The following HERC1 variants were observed in gnomAD, a reference collection of about 807,000 sequenced individuals.
HERC1 encodes the protein probable E3 ubiquitin-protein ligase HERC1.
A neutral mutation model predicts 554.3 loss-of-function variants in HERC1; 160 were observed. The observed-to-expected ratio is 0.29, with a 90% CI of 0.25 to 0.33. HERC1 has a LOEUF of 0.33. HERC1 is among the 10% of genes least tolerant of loss of function. The pLI, the probability that HERC1 is intolerant of heterozygous loss-of-function variation, is 1.00. For missense variants in HERC1, 4,919 were observed against 5,918.5 expected (o/e 0.83, Z 5.54); for synonymous variants, 2,175 against 2,131.7 (o/e 1.02, Z -0.56).
chr15:63,707,393 A>C (rs764808553), intron 24 of HERC1, among the ~76,000 whole-genome samples: 3 of 152,220 alleles, frequency 2.0e-5, no homozygotes, highest in Admixed American at 1.3e-4. Context: ...AAACTGGTGA[A>C]CTACAGACAG....
At chr15:63,648,004 A>T in intron 55 of HERC1, 65 bp downstream of exon 55, 2 of 1,285,524 alleles carry the variant, frequency 1.6e-6, no homozygotes, top group South Asian at 1.3e-5. Context: ...CCACTGTGTA[A>T]TCTATGCATG....
At chr15:63,782,395 C>T (rs1382331205) in intron 1 of HERC1, among the ~76,000 whole-genome samples, 1 of 152,174 alleles carries the variant, frequency 6.6e-6, no homozygotes, top group Non-Finnish European at 1.5e-5. Flanking sequence ...TCTACTAATC[C>T]AACAACGAAG....
At chr15:63,725,122 CACGATTTA>C (rs766720980) in intron 18 of HERC1, among the ~76,000 whole-genome samples, 162 bp downstream of exon 18, 7 of 152,038 alleles carry the variant, frequency 4.6e-5, no homozygotes, top group Non-Finnish European at 1.0e-4. Flanking sequence ...TATTGTGCTG[CACGATTTA>C]ACCATTTTTC....
At chr15:63,785,823 A>G (rs2076420561) in intron 1 of HERC1, among the ~76,000 whole-genome samples, 2 of 152,104 alleles carry the variant, frequency 1.3e-5, no homozygotes, top group African/African-American at 4.8e-5. Context: ...GAAATTGGTA[A>G]ATGAGAAAAA....
At chr15:63,799,471 G>A (rs1413615674) in intron 1 of HERC1, among the ~76,000 whole-genome samples, 2 of 151,468 alleles carry the variant, frequency 1.3e-5, no homozygotes, top group Non-Finnish European at 1.5e-5. Flanking sequence ...CTGCACTCTA[G>A]CCTGGGTGAT....
At position 63,727,729 on chromosome 15, in the gene HERC1, C is replaced by T; in HGVS notation, c.3264G>A (p.Leu1088=). The T allele has an allele frequency of 6.2e-7, 1 of 1,613,780 alleles. No homozygotes were observed. The highest frequency in any genetic ancestry group is 1.1e-5 in the South Asian group (1 of 91,074). The change falls in exon 17 of 78, where the codon TTG becomes TTA. Residue 1088 remains leucine, a synonymous_variant. Transcript: ENST00000443617. The surrounding 1 kb of genome is among the most constrained non-coding windows in gnomAD (Gnocchi z 4.3). ...TATTAAGGCAATCAAGAGGTGGCAA[C>T]AAGTCGAGGAGGTAACTCAATAAAG... is the stretch of plus-strand genomic sequence containing the variant. The part of the protein sequence containing the change: ...ARPLLSYLLD[L]LPPLDCLNRL...
At chr15:63,618,088 T>C (rs2067903832) in intron 74 of HERC1, among the ~76,000 whole-genome samples, 2 of 152,166 alleles carry the variant, frequency 1.3e-5, no homozygotes, top group Non-Finnish European at 1.5e-5. Context: ...CCCATGCCTA[T>C]GTCCTGAATG....
intron 26 of HERC1, among the ~76,000 whole-genome samples, chr15:63,698,181 C>T (rs1377700819): frequency 3.9e-5 from 6 of 152,076 alleles, no homozygotes; most frequent in Admixed American, 1.3e-4. Flanking sequence ...TTTGGGAGGC[C>T]GAGGCAAGTG....
Position 63,734,581 on chromosome 15 carries a change from A to G in HERC1, c.2646+143T>C. On this transcript the variant is annotated intron_variant, in intron 13 of 77. Coordinates refer to ENST00000443617, the MANE Select transcript of HERC1 (RefSeq NM_003922.4). The surrounding 1 kb of genome is among the most constrained non-coding windows in gnomAD (Gnocchi z 4.6). ...TGCTTCACCTAAGGTTGTTAAGACA[A>G]CTGGGAATTCTTCCAGCACAACACA... is the stretch of plus-strand genomic sequence containing the variant. 5.2e-6 allele frequency: 3 copies of G among 580,124 alleles called. No homozygotes were observed. The highest frequency in any genetic ancestry group is 8.5e-6 in the Non-Finnish European group (3 of 354,712). 35.9% of individuals were successfully genotyped at this position (580,124 alleles called of 1,614,324 possible). A position where few individuals can be genotyped will look rare whatever the true frequency, so the allele number is the denominator to read the frequency against.
In HERC1 at chr15:63,694,844, A is replaced by G. The variant is rs781308028; in HGVS notation, c.5172T>C (p.Ala1724=). 1 of 1,613,776 alleles carries G rather than the reference A, an allele frequency of 6.2e-7. No individual in the cohort carries two copies. The highest frequency in any genetic ancestry group is 2.2e-5 in the East Asian group (1 of 44,874). ...ACAACTGTTGATAAATTTTATGCAC[A>G]GCTACCTGGATTTCAATCTGAATAT... ...KRNIQIEIQV[A]VHKIYQQLSA... is the part of the protein sequence containing the mutation. Residue 1724 remains alanine (A), a synonymous_variant, in exon 28 of 78, where the codon GCT becomes GCC. Transcript: ENST00000443617. The surrounding 1 kb of genome is among the most constrained non-coding windows in gnomAD (Gnocchi z 4.3).
At chr15:63,799,662 T>C (rs916936090) in intron 1 of HERC1, among the ~76,000 whole-genome samples, 2 of 151,686 alleles carry the variant, frequency 1.3e-5, no homozygotes, top group Admixed American at 6.6e-5. Context: ...CAAAGAAAAA[T>C]ATAGAATTTG....
At chr15:63,733,417 G>A (rs190762238) in intron 13 of HERC1, among the ~76,000 whole-genome samples, 4 of 152,272 alleles carry the variant, frequency 2.6e-5, no homozygotes, top group East Asian at 1.9e-4. Flanking sequence ...TTTTAGTACT[G>A]TAAGTAGAGA....
In HERC1 at chr15:63,754,588, C is replaced by T; in HGVS notation, c.1691G>A (p.Gly564Glu). The change falls in exon 7 of 78, where the codon GGA (glycine) becomes GAA (glutamate). Residue 564 changes from glycine (G) to glutamate (E), a missense_variant. By Grantham distance (98) the Gly-to-Glu change is moderately conservative. Around this residue, in one of 11 missense-constraint regions of HERC1, gnomAD observed 744 missense variants for 1,090.0 expected, o/e 0.68. Coordinates refer to ENST00000443617, the MANE Select transcript of HERC1 (RefSeq NM_003922.4). ...PTLVKDISNV[G>E]EVSCGSSHTI... Reference sequence around the variant, plus strand: ...ATGTGAACTGCCACAAGAAACCTCTCCTACATTGCTGATGTCTTTTACTAA... The same window carrying T: ...ATGTGAACTGCCACAAGAAACCTCTTCTACATTGCTGATGTCTTTTACTAA... 6.2e-7 allele frequency: 1 copy of T among 1,613,560 alleles called. No individual in the cohort carries two copies. The highest frequency in any genetic ancestry group is 1.1e-5 in the South Asian group (1 of 91,070).
chr15:63,813,958 C>G (rs1161987177), intron 1 of HERC1, among the ~76,000 whole-genome samples: 1 of 152,122 alleles, frequency 6.6e-6, no homozygotes, highest in African/African-American at 2.4e-5. Context: ...ACTTGGGAGG[C>G]TGAGGCAGGA....
chr15:63,658,818 C>CA, intron 47 of HERC1, 100 bp from the exon 48 acceptor site: 2 of 917,398 alleles, frequency 2.2e-6, no homozygotes, highest in South Asian at 4.5e-5. Flanking sequence ...CATAACAAAC[C>CA]AATGTCTTTT....
At position 63,712,771 on chromosome 15, in the gene HERC1, C is replaced by T. The variant is rs368777434; in HGVS notation, c.4584+4G>A. 5.6e-6 allele frequency: 9 copies of T among 1,612,828 alleles called. No individual in the cohort carries two copies. In the African/African-American group the frequency reaches 1.2e-4, roughly 22 times the overall value. ...CTTTCTTTACTGAATCTGGGTATAC[C>T]TACCAGTGCGTAACCCTCTTCATCT... On this transcript the variant is annotated splice_donor_region_variant and intron_variant, in intron 24 of 77. Transcript: ENST00000443617.
At position 63,734,847 on chromosome 15, in the gene HERC1, C is replaced by A. The variant is rs1245190649; in HGVS notation, c.2523G>T (p.Val841=). Residue 841 remains valine (V), a splice_region_variant and synonymous_variant, in exon 13 of 78, where the codon GTG becomes GTT. Transcript: ENST00000443617. This position sits in a 1 kb window ranked among gnomAD's most constrained non-coding sequence, Gnocchi z 4.6. ...DSTVPDEIQE[V]VIETLSVGAT... is the part of the protein sequence containing the mutation. ...CTCCCACTGATAAAGTTTCAATTAC[C>A]ACCTAATATCAAAAGAGAAAAGTAT... 6.2e-7 allele frequency: 1 copy of A among 1,608,598 alleles called. No individual in the cohort carries two copies. Among genetic ancestry groups the A allele is most frequent in the East Asian group, 2.2e-5 (1 of 44,546 alleles).
chr15:63,695,950 A>G (rs1184485813), intron 27 of HERC1, among the ~76,000 whole-genome samples, 174 bp downstream of exon 27: 1 of 152,246 alleles, frequency 6.6e-6, no homozygotes, highest in African/African-American at 2.4e-5. Context: ...ATAATACCAC[A>G]GCTCACCTAA....
intron 38 of HERC1, 106 bp downstream of exon 38, chr15:63,674,236 A>T: frequency 5.2e-6 from 5 of 960,054 alleles, no homozygotes; most frequent in Non-Finnish European, 7.2e-6. Flanking sequence ...CCAAAAAAAA[A>T]ATTTTTTTTT....
Sources: allele counts gnomAD v4.1 joint callset (sites outside exome capture counted in the v4.1 genomes callset), GRCh38; gene constraint gnomAD v4.1.1; regional missense constraint gnomAD v4.1.1; non-coding constraint Gnocchi (gnomAD v3.1); transcripts MANE v1.5; gene names NCBI Gene and HGNC (gene_info 2026-07-23, HGNC 2026-07-21).